ABCA13: variants seen among roughly 807,000 people sequenced by gnomAD.
ABCA13 encodes the protein ATP binding cassette subfamily A member 13.
ABCA13 carries 476 observed loss-of-function variants against 478.7 expected under a neutral mutation model. The observed-to-expected ratio is 0.99, with a 90% confidence interval of 0.92 to 1.07. ABCA13 has a LOEUF of 1.07. Ranked by LOEUF, ABCA13 falls within the 50% of genes least tolerant of loss-of-function variation. ABCA13 has a pLI of 0.00. For missense variants in ABCA13, 6,060 were observed against 5,910.6 expected (o/e 1.03, Z -0.83); for synonymous variants, 2,252 against 2,158.9 (o/e 1.04, Z -1.20).
chr7:48,503,648 T>C (rs1186970782), intron 48 of ABCA13, among the ~76,000 whole-genome samples: 2 of 152,240 alleles, frequency 1.3e-5, no homozygotes, highest in Non-Finnish European at 2.9e-5. Flanking sequence ...AATGTTCCAT[T>C]ATGTGCATGA....
Position 48,278,450 on chromosome 7 carries a change from G to T in ABCA13, c.7256G>T (p.Cys2419Phe). Residue 2419 changes from cysteine (C) to phenylalanine (F), a missense_variant, in exon 18 of 62, where the codon TGT (cysteine) becomes TTT (phenylalanine). Physicochemically the swap from Cys to Phe is radical, Grantham distance 205 (BLOSUM62 -2). This residue lies in a region of ABCA13 where 4,423 missense variants were observed against 4,309.1 expected (regional missense o/e 1.03). Transcript: ENST00000435803. ...TCAGCTCTTCACCTTGTAAGAGAAT[G>T]TTCAACAGAGATGGCAAGACTTCTG... ...LGSALHLVRE[C>F]STEMARLLDT... The T allele has an allele frequency of 6.2e-7, 1 of 1,613,960 alleles. No homozygotes were observed. Among genetic ancestry groups the T allele is most frequent in the Non-Finnish European group, 8.5e-7 (1 of 1,179,876 alleles).
Position 48,274,226 on chromosome 7 carries a change from A to T in ABCA13, c.4560A>T (p.Arg1520Ser). 6.2e-7 allele frequency: 1 copy of T among 1,613,150 alleles called. No homozygotes were observed. The highest frequency in any genetic ancestry group is 1.3e-5 in the African/African-American group (1 of 75,052). ...ATTTTGCATCTCAGTCCAATTGGAG[A>T]TATTTTACTGAATTAATTCTAAGAC... Reference protein sequence around the residue: ...DFDFASQSNWRYFTELILRPI... With the variant: ...DFDFASQSNWSYFTELILRPI... Residue 1520 changes from arginine (R) to serine (S), a missense_variant, in exon 17 of 62, where the codon AGA becomes AGT. By Grantham distance (110) the Arg-to-Ser change is moderately radical. Coordinates refer to ENST00000435803, the MANE Select transcript of ABCA13 (RefSeq NM_152701.5).
chr7:48,374,088 G>C lies in ABCA13; in HGVS notation c.11134-259G>C, dbSNP rs755958758. On this transcript the variant is annotated intron_variant, in intron 33 of 61. Coordinates refer to ENST00000435803, the MANE Select transcript of ABCA13 (RefSeq NM_152701.5). ...TCTGTGTATGATACATTGGATTTAT[G>C]ACACTTCAAGCATCTCGGTAAAGAG... Among the ~76,000 whole-genome samples the C allele has an allele frequency of 4.7e-4, 71 of 152,218 alleles. No individual in the cohort carries two copies. In the Middle Eastern group the frequency reaches 0.014, roughly 29 times the overall value.
chr7:48,549,118 A>C (rs187025670), intron 55 of ABCA13, among the ~76,000 whole-genome samples: 1 of 151,900 alleles, frequency 6.6e-6, no homozygotes, highest in African/African-American at 2.4e-5. Context: ...ACTTAGGTAT[A>C]CATATGCCGT....
chr7:48,609,085 C>T (rs910960759), intron 58 of ABCA13, among the ~76,000 whole-genome samples: 23 of 152,052 alleles, frequency 1.5e-4, no homozygotes, highest in African/African-American at 5.3e-4. Flanking sequence ...TTTTGCTTTG[C>T]CAGTTCTAGA....
chr7:48,453,065 T>G (rs929955984), intron 42 of ABCA13, among the ~76,000 whole-genome samples: 2 of 152,222 alleles, frequency 1.3e-5, no homozygotes, highest in Admixed American at 6.5e-5. Flanking sequence ...ACTTTTTTCC[T>G]AGCAATATAA....
At chr7:48,639,635 G>C (rs903056837) in intron 59 of ABCA13, among the ~76,000 whole-genome samples, 1 of 152,142 alleles carries the variant, frequency 6.6e-6, no homozygotes, top group African/African-American at 2.4e-5. Flanking sequence ...GTATGGGGTT[G>C]TGGATGTGAG....
At position 48,229,920 on chromosome 7, in the gene ABCA13, T is replaced by C. The variant is rs1317823497; in HGVS notation, c.728T>C (p.Leu243Pro). 1.9e-6 allele frequency: 3 copies of C among 1,613,920 alleles called. No individual in the cohort carries two copies. The highest frequency in any genetic ancestry group is 2.5e-6 in the Non-Finnish European group (3 of 1,179,886). ...GTACTGAATGTGACCATTTCGACACTGACATTTCTGCAGCAACATGGAGTA... is the reference window on the plus strand; with the variant it reads ...GTACTGAATGTGACCATTTCGACACCGACATTTCTGCAGCAACATGGAGTA... Reference protein sequence around the residue: ...ELVLNVTISTLTFLQQHGVAV... With the variant: ...ELVLNVTISTPTFLQQHGVAV... Residue 243 changes from leucine (L) to proline (P), a missense_variant, in exon 7 of 62, where the codon CTG becomes CCG. This residue lies in a region of ABCA13 where 4,423 missense variants were observed against 4,309.1 expected (regional missense o/e 1.03). Coordinates refer to ENST00000435803, the MANE Select transcript of ABCA13 (RefSeq NM_152701.5).
At chr7:48,328,979 A>G (rs986280906) in intron 27 of ABCA13, among the ~76,000 whole-genome samples, 7 of 152,180 alleles carry the variant, frequency 4.6e-5, no homozygotes, top group Admixed American at 4.6e-4. Flanking sequence ...AATATCTATC[A>G]ATACTACAAA....
rs1830761808 is a variant in ABCA13, at chr7:48,501,702, G to C, written c.13292-4634G>C. Among the ~76,000 whole-genome samples, 4 of 152,290 alleles carry C rather than the reference G, an allele frequency of 2.6e-5. No homozygotes were observed. In the South Asian group the frequency reaches 8.3e-4, roughly 32 times the overall value. On this transcript the variant is annotated intron_variant, in intron 48 of 61. Transcript: ENST00000435803. ...GCAAAAAATCGGAAAAGGCAGGATGGCTGCCATCAGTGGGCTGTCTCCTGA... is the reference window on the plus strand; with the variant it reads ...GCAAAAAATCGGAAAAGGCAGGATGCCTGCCATCAGTGGGCTGTCTCCTGA...
At chr7:48,446,577 G>C (rs1824338344) in intron 42 of ABCA13, among the ~76,000 whole-genome samples, 1 of 152,080 alleles carries the variant, frequency 6.6e-6, no homozygotes, top group South Asian at 2.1e-4. Flanking sequence ...TTTTGGCAGT[G>C]ATTAATTTGA....
chr7:48,274,633 A>G lies in ABCA13; in HGVS notation c.4967A>G (p.Tyr1656Cys), dbSNP rs563966375. The part of the protein sequence containing the change: ...VHHTSPQNAG[Y>C]MQALKKVTSV... ...CACACTAGTCCACAAAATGCAGGTT[A>G]TATGCAAGCTTTGAAGAAGGTAACT... The change falls in exon 17 of 62, where the codon TAT (tyrosine) becomes TGT (cysteine). Residue 1656 changes from tyrosine (Y) to cysteine (C), a missense_variant. By Grantham distance (194) the Tyr-to-Cys change is radical. Coordinates refer to ENST00000435803, the MANE Select transcript of ABCA13 (RefSeq NM_152701.5). The G allele has an allele frequency of 6.2e-7, 1 of 1,614,004 alleles. No individual in the cohort carries two copies. The highest frequency in any genetic ancestry group is 1.3e-5 in the African/African-American group (1 of 75,064).
At chr7:48,315,821 T>C (rs1234081658) in intron 26 of ABCA13, among the ~76,000 whole-genome samples, 1 of 152,222 alleles carries the variant, frequency 6.6e-6, no homozygotes, top group Non-Finnish European at 1.5e-5. Context: ...AAAGTATTTC[T>C]ATCAACTTTA....
Position 48,276,065 on chromosome 7 carries a change from T to C in ABCA13, c.6399T>C (p.Tyr2133=). 1 of 1,606,338 alleles carries C rather than the reference T, an allele frequency of 6.2e-7. No homozygotes were observed. The highest frequency in any genetic ancestry group is 1.7e-5 in the Admixed American group (1 of 58,998). The stretch of plus-strand genomic sequence containing the variant: ...TCACAAAAAACTGGCTTCAGGAATA[T>C]GCAAATGAGGATTACTCCAGAATGA... ...LLVTKNWLQE[Y]ANEDYSRMIE... Residue 2133 remains tyrosine (Y), a synonymous_variant, in exon 17 of 62, where the codon TAT becomes TAC. Transcript: ENST00000435803.
intron 4 of ABCA13, 90 bp from the exon 5 acceptor site, chr7:48,221,191 C>T (rs775245092): frequency 1.1e-5 from 7 of 660,840 alleles, no homozygotes; most frequent in South Asian, 1.7e-5. Flanking sequence ...CTTGGATACT[C>T]CATTTGACTT....
At chr7:48,486,652 C>T (rs1186230706) in intron 47 of ABCA13, among the ~76,000 whole-genome samples, 1 of 152,136 alleles carries the variant, frequency 6.6e-6, no homozygotes, top group Non-Finnish European at 1.5e-5. Context: ...CACAATAATG[C>T]TCTATAACAA....
chr7:48,595,325 G>A (rs1429992799), intron 58 of ABCA13, among the ~76,000 whole-genome samples: 1 of 152,178 alleles, frequency 6.6e-6, no homozygotes, highest in Admixed American at 6.5e-5. Context: ...AGCCCACAAA[G>A]AATTACAAAT....
chr7:48,245,635 A>C, intron 12 of ABCA13, 23 bp downstream of exon 12: 1 of 1,585,514 alleles, frequency 6.3e-7, no homozygotes. Flanking sequence ...AAATAATTAT[A>C]AATAAGCATT....
chr7:48,447,864 A>T (rs1824493303), intron 42 of ABCA13, among the ~76,000 whole-genome samples: 1 of 152,222 alleles, frequency 6.6e-6, no homozygotes. Context: ...ACCTCAGCGC[A>T]TATGAAGAAG....
Sources: allele counts gnomAD v4.1 joint callset (sites outside exome capture counted in the v4.1 genomes callset), GRCh38; gene constraint gnomAD v4.1.1; regional missense constraint gnomAD v4.1.1; transcripts MANE v1.5; gene names NCBI Gene and HGNC (gene_info 2026-07-23, HGNC 2026-07-21).